EGFR: variants seen among roughly 807,000 people sequenced by gnomAD.
The protein encoded by EGFR is epidermal growth factor receptor, also known as avian erythroblastic leukemia viral (v-erb-b) oncogene homolog.
EGFR carries 58 observed loss-of-function variants against 143.0 expected under a neutral mutation model. The ratio of observed to expected loss-of-function variants is 0.41; its 90% CI spans 0.33 to 0.50. The LOEUF is 0.50. Among genes scored for constraint, EGFR ranks in the 20% least tolerant of loss-of-function variants. The probability of loss-of-function intolerance (pLI) is 0.39; values close to 1 mark genes in which losing one functional copy is unlikely to be tolerated. For missense variants in EGFR, 1,307 were observed against 1,579.0 expected (o/e 0.83, Z 2.92); for synonymous variants, 613 against 594.4 (o/e 1.03, Z -0.45).
At chr7:55,042,658 C>T (rs1238135424) in intron 1 of EGFR, among the ~76,000 whole-genome samples, 2 of 152,040 alleles carry the variant, frequency 1.3e-5, no homozygotes, top group Non-Finnish European at 2.9e-5. Flanking sequence ...TATGGGCTCA[C>T]CAACCAGGTG....
chr7:55,189,086 C>T (rs1343276466), intron 20 of EGFR, among the ~76,000 whole-genome samples: 1 of 138,386 alleles, frequency 7.2e-6, no homozygotes. Context: ...CTGTCTCATG[C>T]TCTCACACAT....
At chr7:55,166,303 T>C (rs10259974) in intron 15 of EGFR, 9,272 of 576,808 alleles carry the variant, frequency 0.016, 614 homozygotes, top group African/African-American at 0.15. Flanking sequence ...CATATAGTAG[T>C]TCACACTTAC....
chr7:55,178,781 A>G (rs1420302570), intron 19 of EGFR, among the ~76,000 whole-genome samples: 2 of 152,232 alleles, frequency 1.3e-5, no homozygotes, highest in Non-Finnish European at 1.5e-5. Context: ...AAAGGAAAAT[A>G]ACACACACTC....
intron 1 of EGFR, among the ~76,000 whole-genome samples, chr7:55,120,424 T>G (rs1258261224): frequency 1.3e-5 from 2 of 152,216 alleles, no homozygotes; most frequent in Admixed American, 1.3e-4. Context: ...ATCACTCCAT[T>G]TTTTCATTTG....
intron 1 of EGFR, among the ~76,000 whole-genome samples, chr7:55,139,442 T>C (rs1310581967): frequency 6.6e-6 from 1 of 152,206 alleles, no homozygotes; most frequent in East Asian, 1.9e-4. Flanking sequence ...ATACCTTGTT[T>C]TAATTAGAAA....
chr7:55,158,978 A>G (rs1294578422), intron 11 of EGFR, among the ~76,000 whole-genome samples: 2 of 152,192 alleles, frequency 1.3e-5, no homozygotes, highest in Non-Finnish European at 2.9e-5. Flanking sequence ...ACACCTGAAC[A>G]TCAGTCTCTT....
intron 1 of EGFR, among the ~76,000 whole-genome samples, chr7:55,102,247 G>A (rs1357782907): frequency 6.6e-6 from 1 of 152,018 alleles, no homozygotes; most frequent in Non-Finnish European, 1.5e-5. Flanking sequence ...TGCCCCTCAA[G>A]ATTAATCTCC....
chr7:55,104,601 G>T lies in EGFR; in HGVS notation c.89-37685G>T, dbSNP rs568160356. ...CGCATGCGGTAACTGTTTCACAAAT[G>T]ATGAGGAGCGATTTATGTTCTTAGT... is the stretch of plus-strand genomic sequence containing the variant. On this transcript the variant is annotated intron_variant, in intron 1 of 27. Coordinates refer to ENST00000275493, the MANE Select transcript of EGFR (RefSeq NM_005228.5). 7.2e-5 allele frequency among the ~76,000 whole-genome samples: 11 copies of T among 152,214 alleles called. 1 individual carries two copies. The highest frequency in any genetic ancestry group is 6.3e-3 in the Middle Eastern group (2 of 316).
chr7:55,041,608 C>A (rs766520728), intron 1 of EGFR, among the ~76,000 whole-genome samples: 47 of 152,240 alleles, frequency 3.1e-4, no homozygotes, highest in African/African-American at 1.1e-3. Context: ...TATTTGCTAA[C>A]GAGCATCAAT....
chr7:55,121,855 A>G (rs1793226561), intron 1 of EGFR, among the ~76,000 whole-genome samples: 1 of 152,212 alleles, frequency 6.6e-6, no homozygotes, highest in Admixed American at 6.5e-5. Flanking sequence ...CCTCTGTGCG[A>G]CAGTGACCTT....
chr7:55,115,581 C>T (rs1160587426), intron 1 of EGFR, among the ~76,000 whole-genome samples: 2 of 152,186 alleles, frequency 1.3e-5, no homozygotes, highest in Non-Finnish European at 2.9e-5. Flanking sequence ...TTCTCTGAAT[C>T]TCAAGGGGTT....
chr7:55,170,543 G>T, intron 15 of EGFR: 2 of 1,613,172 alleles, frequency 1.2e-6, no homozygotes, highest in Non-Finnish European at 8.5e-7. Flanking sequence ...TCCTGCCACT[G>T]AGCCTCATGC....
chr7:55,022,715 T>C (rs1038065240), intron 1 of EGFR, among the ~76,000 whole-genome samples: 1 of 152,226 alleles, frequency 6.6e-6, no homozygotes, highest in Non-Finnish European at 1.5e-5. Flanking sequence ...TAGCACAGAA[T>C]ACAAGAAACT....
intron 10 of EGFR, among the ~76,000 whole-genome samples, chr7:55,157,170 C>T (rs2128939112): frequency 6.6e-6 from 1 of 152,326 alleles, no homozygotes; most frequent in Non-Finnish European, 1.5e-5. Context: ...TGAAACTGGA[C>T]GCCAGAGCCT....
intron 22 of EGFR, among the ~76,000 whole-genome samples, chr7:55,196,464 T>G (rs1787623696): frequency 6.6e-6 from 1 of 152,174 alleles, no homozygotes; most frequent in African/African-American, 2.4e-5. Context: ...TCACCCATTC[T>G]GTGGGTTGTC....
intron 1 of EGFR, among the ~76,000 whole-genome samples, chr7:55,106,926 A>G (rs1237411061): frequency 6.6e-6 from 1 of 152,222 alleles, no homozygotes; most frequent in Non-Finnish European, 1.5e-5. Context: ...TACAGTTCAA[A>G]TATTCCTGAA....
At position 55,189,938 on chromosome 7, in the gene EGFR, A is replaced by G. The variant is rs144653330; in HGVS notation, c.2470-1781A>G. On this transcript the variant is annotated intron_variant, in intron 20 of 27. Coordinates refer to ENST00000275493, the MANE Select transcript of EGFR (RefSeq NM_005228.5). The stretch of plus-strand genomic sequence containing the variant: ...CCTTTCGAATGGGCAGGAGTTCATG[A>G]TATTTAATAAACAGAGGCCTTGCTC... 7.2e-5 allele frequency among the ~76,000 whole-genome samples: 11 copies of G among 152,294 alleles called. No homozygotes were observed. The East Asian group carries it at 2.1e-3, about 29-fold the overall frequency.
At chr7:55,140,531 C>T (rs1794401985) in intron 1 of EGFR, among the ~76,000 whole-genome samples, 1 of 152,208 alleles carries the variant, frequency 6.6e-6, no homozygotes, top group South Asian at 2.1e-4. Context: ...TACATCAGTG[C>T]TGACATCTTT....
chr7:55,163,962 G>A, intron 14 of EGFR, 139 bp downstream of exon 14: 1 of 897,022 alleles, frequency 1.1e-6, no homozygotes, highest in Non-Finnish European at 1.8e-6. Context: ...GGCAGGCGCT[G>A]ACAGCGCTGT....
Sources: allele counts gnomAD v4.1 joint callset (sites outside exome capture counted in the v4.1 genomes callset), GRCh38; gene constraint gnomAD v4.1.1; transcripts MANE v1.5; gene names NCBI Gene and HGNC (gene_info 2026-07-23, HGNC 2026-07-21).